Variants in CSMD1 observed in about 807,000 individuals in gnomAD.
CSMD1 encodes the protein CUB and Sushi multiple domains 1.
In CSMD1, 213 loss-of-function variants were observed where a neutral mutation model predicts 417.5. The ratio of observed to expected loss-of-function variants is 0.51; its 90% CI spans 0.46 to 0.57. The LOEUF (loss-of-function observed/expected upper bound fraction) is 0.57. Ranked by LOEUF, CSMD1 falls within the 20% of genes least tolerant of loss-of-function variation. The probability of loss-of-function intolerance (pLI) is 0.00; values close to 1 mark genes in which losing one functional copy is unlikely to be tolerated. For missense variants in CSMD1, 6,923 were observed against 4,529.7 expected (o/e 1.53, Z -15.17); for synonymous variants, 2,862 against 1,736.8 (o/e 1.65, Z -16.11).
chr8:3,757,423 T>C (rs1055682261), intron 5 of CSMD1, among the ~76,000 whole-genome samples: 3 of 152,228 alleles, frequency 2.0e-5, no homozygotes, highest in African/African-American at 2.4e-5. Context: ...TTAATTTTTA[T>C]ACAATTTTTT....
At chr8:4,785,701 G>C (rs1029408272) in intron 1 of CSMD1, among the ~76,000 whole-genome samples, 1 of 152,098 alleles carries the variant, frequency 6.6e-6, no homozygotes, top group East Asian at 1.9e-4. Flanking sequence ...AGAAAGGAAG[G>C]GAGGATCACC....
At chr8:3,555,422 T>G (rs1022406695) in intron 10 of CSMD1, among the ~76,000 whole-genome samples, 2 of 152,094 alleles carry the variant, frequency 1.3e-5, no homozygotes, top group African/African-American at 4.8e-5. Context: ...CTGCTCTTCC[T>G]GATGAGGGCT....
At chr8:4,294,934 C>G (rs947495959) in intron 3 of CSMD1, among the ~76,000 whole-genome samples, 5 of 151,444 alleles carry the variant, frequency 3.3e-5, no homozygotes, top group African/African-American at 1.2e-4. Context: ...GTCCTATTCT[C>G]TCTTCTTTCA....
Position 3,108,709 on chromosome 8 carries a change from G to A in CSMD1, c.6648C>T (p.Phe2216=), listed in dbSNP as rs1432121246. Residue 2216 remains phenylalanine (F), a synonymous_variant, in exon 44 of 70, where the codon TTC becomes TTT. Coordinates refer to ENST00000635120, the MANE Select transcript of CSMD1 (RefSeq NM_033225.6). ...CCGTTTCGAGGGCTGTGTTGCCACT[G>A]AAAACTCCCAGCTGGGGTGAGTTCT... ...PDQNSPQLGV[F]SGNTALETAY... 4 of 1,613,570 alleles carry A rather than the reference G, an allele frequency of 2.5e-6. No individual in the cohort carries two copies. Among genetic ancestry groups the A allele is most frequent in the Non-Finnish European group, 2.5e-6 (3 of 1,179,704 alleles).
chr8:4,163,473 T>A (rs193058799), intron 3 of CSMD1, among the ~76,000 whole-genome samples: 9 of 152,342 alleles, frequency 5.9e-5, no homozygotes, highest in African/African-American at 1.2e-4. Context: ...TGAGTTACTT[T>A]TATTTAGATT....
At chr8:4,429,604 G>T (rs891656843) in intron 2 of CSMD1, among the ~76,000 whole-genome samples, 4 of 152,134 alleles carry the variant, frequency 2.6e-5, no homozygotes, top group Non-Finnish European at 5.9e-5. Flanking sequence ...GAAAGTCAAA[G>T]TTTAGAGACT....
intron 3 of CSMD1, among the ~76,000 whole-genome samples, chr8:4,353,739 A>G (rs1294405861): frequency 7.0e-6 from 1 of 142,030 alleles, no homozygotes; most frequent in African/African-American, 2.6e-5. Context: ...GTTGGGGTTC[A>G]TGGAGATTTC....
intron 3 of CSMD1, among the ~76,000 whole-genome samples, chr8:4,374,300 G>C (rs1328570575): frequency 1.3e-5 from 2 of 152,108 alleles, no homozygotes; most frequent in African/African-American, 4.8e-5. Context: ...TGCTGTATTA[G>C]AGTACAATAT....
At chr8:3,686,586 G>T (rs542000853) in intron 7 of CSMD1, among the ~76,000 whole-genome samples, 2 of 152,328 alleles carry the variant, frequency 1.3e-5, no homozygotes, top group Admixed American at 1.3e-4. Context: ...TACCAAAAGG[G>T]AAGCAGTGTT....
chr8:4,895,782 T>A (rs1449152963), intron 1 of CSMD1, among the ~76,000 whole-genome samples: 1 of 152,040 alleles, frequency 6.6e-6, no homozygotes, highest in Non-Finnish European at 1.5e-5. Flanking sequence ...CAAAGTAAAT[T>A]TAAAATCAAT....
intron 26 of CSMD1, among the ~76,000 whole-genome samples, chr8:3,268,779 G>C (rs1801623859): frequency 6.6e-6 from 1 of 152,144 alleles, no homozygotes; most frequent in Non-Finnish European, 1.5e-5. Flanking sequence ...TTGGGAGTTT[G>C]AGACTTATCA....
At chr8:3,623,183 A>C (rs1282843638) in intron 7 of CSMD1, among the ~76,000 whole-genome samples, 1 of 152,228 alleles carries the variant, frequency 6.6e-6, no homozygotes, top group Non-Finnish European at 1.5e-5. Context: ...TTAAAAGTAT[A>C]AATTACATAT....
chr8:3,632,259 G>T (rs112111783), intron 7 of CSMD1, among the ~76,000 whole-genome samples: 1 of 152,124 alleles, frequency 6.6e-6, no homozygotes, highest in Non-Finnish European at 1.5e-5. Flanking sequence ...ATTTGATAAT[G>T]CATCTTAAAT....
At chr8:4,818,742 T>A (rs1799350875) in intron 1 of CSMD1, among the ~76,000 whole-genome samples, 1 of 152,126 alleles carries the variant, frequency 6.6e-6, no homozygotes, top group African/African-American at 2.4e-5. Flanking sequence ...CAAACATAAC[T>A]CATAGTCTGA....
At chr8:4,021,735 C>A (rs889154898) in intron 4 of CSMD1, among the ~76,000 whole-genome samples, 1 of 152,080 alleles carries the variant, frequency 6.6e-6, no homozygotes, top group African/African-American at 2.4e-5. Flanking sequence ...ATCCCTTTAC[C>A]TATCCCCGTC....
intron 5 of CSMD1, among the ~76,000 whole-genome samples, chr8:3,765,171 C>T (rs1042970164): frequency 2.9e-4 from 44 of 152,268 alleles, no homozygotes; most frequent in Non-Finnish European, 5.4e-4. Flanking sequence ...TTTCTTATCA[C>T]GCCCTTTCGT....
At chr8:3,586,436 T>TAC (rs753876558) in intron 8 of CSMD1, among the ~76,000 whole-genome samples, 176 bp from the exon 9 acceptor site, 1 of 152,290 alleles carries the variant, frequency 6.6e-6, no homozygotes, top group Non-Finnish European at 1.5e-5. Context: ...TAGCAAAGGT[T>TAC]ATAAAATCAA....
intron 5 of CSMD1, among the ~76,000 whole-genome samples, chr8:3,854,427 A>C (rs1804147605): frequency 6.6e-6 from 1 of 152,154 alleles, no homozygotes; most frequent in Non-Finnish European, 1.5e-5. Context: ...GCTACTGTTT[A>C]AGAATATCCA....
At chr8:4,765,309 A>T (rs778842709) in intron 1 of CSMD1, among the ~76,000 whole-genome samples, 10 of 152,198 alleles carry the variant, frequency 6.6e-5, no homozygotes, top group Non-Finnish European at 1.2e-4. Context: ...CAGGGGTAGC[A>T]ATCCCTTCTG....
Sources: allele counts gnomAD v4.1 joint callset (sites outside exome capture counted in the v4.1 genomes callset), GRCh38; gene constraint gnomAD v4.1.1; transcripts MANE v1.5; gene names NCBI Gene and HGNC (gene_info 2026-07-23, HGNC 2026-07-21).